Variants in KCNK10 observed in about 807,000 individuals in gnomAD.
KCNK10 encodes the protein potassium two pore domain channel subfamily K member 10.
KCNK10 carries 25 observed loss-of-function variants against 47.7 expected under a neutral mutation model. The ratio of observed to expected loss-of-function variants is 0.52; its 90% confidence interval spans 0.38 to 0.73. KCNK10 has a LOEUF of 0.73. Ranked by LOEUF, KCNK10 falls within the 30% of genes least tolerant of loss-of-function variation. KCNK10 has a pLI of 0.00. For missense variants in KCNK10, 563 were observed against 714.5 expected (o/e 0.79, Z 2.42); for synonymous variants, 303 against 285.6 (o/e 1.06, Z -0.61).
chr14:88,263,490 CG>C lies in KCNK10; in HGVS notation c.113del (p.Pro38ArgfsTer20), dbSNP rs1566707481. 2 of 1,613,702 alleles carry C rather than the reference CG, an allele frequency of 1.2e-6. No individual in the cohort carries two copies. Among genetic ancestry groups the C allele is most frequent in the Admixed American group, 1.7e-5 (1 of 60,026 alleles). On this transcript the variant is annotated frameshift_variant, in exon 2 of 7. Transcript: ENST00000319231. LOFTEE classifies it high-confidence loss of function. ...GCGGAGTTGGAGTCGGAGCCGGAGCCGGGGGTTGCCCGTTAGTGGCGCTCTT... is the reference window on the plus strand; with the variant it reads ...GCGGAGTTGGAGTCGGAGCCGGAGCCGGGGTTGCCCGTTAGTGGCGCTCTT... ...QPKSATNGQP[P>X]APAPTPTPRL...
rs951921734 is a variant in KCNK10 at position 88,182,936 on chromosome 14, G to T, written c.*2599C>A. On this transcript the variant is annotated 3_prime_UTR_variant, in exon 7 of 7. Transcript: ENST00000319231. ...AAATGTACAGTAGGTGTCTGCAGGGGCAACCCTTTGAGCCATGTTTACACA... is the reference window on the plus strand; with the variant it reads ...AAATGTACAGTAGGTGTCTGCAGGGTCAACCCTTTGAGCCATGTTTACACA... 1.3e-5 allele frequency: 2 copies of T among 152,216 alleles called. No individual in the cohort carries two copies. The highest frequency in any genetic ancestry group is 6.5e-5 in the Admixed American group (1 of 15,270). 9.4% of individuals were successfully genotyped at this position (152,216 alleles called of 1,614,324 possible). A position where few individuals can be genotyped will look rare whatever the true frequency, so the allele number is the denominator to read the frequency against.
At position 88,263,295 on chromosome 14, in the gene KCNK10, C is replaced by T; in HGVS notation, c.309G>A (p.Glu103=). The part of the protein sequence containing the change: ...LVFRALEQPF[E]SSQKNTIALE... ...AGGCGATGGTATTCTTCTGGCTGCTCTCAAAGGGCTGCTCCAATGCCCGGA... is the reference window on the plus strand; with the variant it reads ...AGGCGATGGTATTCTTCTGGCTGCTTTCAAAGGGCTGCTCCAATGCCCGGA... Residue 103 remains glutamate (E), a synonymous_variant, in exon 2 of 7, where the codon GAG becomes GAA. Transcript: ENST00000319231. 1.2e-6 allele frequency: 2 copies of T among 1,614,128 alleles called. No individual in the cohort carries two copies. Among genetic ancestry groups the T allele is most frequent in the Non-Finnish European group, 1.7e-6 (2 of 1,180,052 alleles).
chr14:88,188,174 T>C, intron 5 of KCNK10, 65 bp from the exon 6 acceptor site: 1 of 1,543,996 alleles, frequency 6.5e-7, no homozygotes, highest in Non-Finnish European at 8.9e-7. Flanking sequence ...GAACACATAT[T>C]CCATTCCATG....
chr14:88,296,711 T>C (rs1358489620), intron 1 of KCNK10, among the ~76,000 whole-genome samples: 1 of 152,216 alleles, frequency 6.6e-6, no homozygotes, highest in Non-Finnish European at 1.5e-5. Flanking sequence ...GGCTCTGCAT[T>C]CACCTTCTGA....
chr14:88,265,202 G>C (rs1040725368), intron 1 of KCNK10, among the ~76,000 whole-genome samples: 3 of 152,220 alleles, frequency 2.0e-5, no homozygotes, highest in African/African-American at 7.2e-5. Context: ...TAATCCCCAA[G>C]ACATATATGA....
intron 3 of KCNK10, among the ~76,000 whole-genome samples, chr14:88,233,925 A>C (rs1379716600): frequency 6.6e-6 from 1 of 152,238 alleles, no homozygotes; most frequent in African/African-American, 2.4e-5. Context: ...TCATGAATCC[A>C]ATACCGGGTA....
At chr14:88,202,390 C>A (rs916002229) in intron 4 of KCNK10, among the ~76,000 whole-genome samples, 2 of 152,314 alleles carry the variant, frequency 1.3e-5, no homozygotes, top group East Asian at 1.9e-4. Flanking sequence ...GAGACCTCCT[C>A]CCAGTACAGA....
At chr14:88,247,799 A>T (rs140965270) in intron 2 of KCNK10, among the ~76,000 whole-genome samples, 106 of 152,328 alleles carry the variant, frequency 7.0e-4, no homozygotes, top group African/African-American at 2.5e-3. Context: ...CTAACGACTA[A>T]TCTATCTAAA....
At chr14:88,257,178 C>A (rs1342266263) in intron 2 of KCNK10, among the ~76,000 whole-genome samples, 1 of 152,174 alleles carries the variant, frequency 6.6e-6, no homozygotes, top group Non-Finnish European at 1.5e-5. Context: ...TCTAACTGGT[C>A]TTCCTTCTTC....
intron 1 of KCNK10, among the ~76,000 whole-genome samples, chr14:88,291,403 A>G (rs918120058): frequency 3.3e-5 from 5 of 152,250 alleles, no homozygotes; most frequent in Admixed American, 6.5e-5. Context: ...GGATCCATCA[A>G]TGCAGAGCTT....
At chr14:88,289,374 T>A (rs1887830902) in intron 1 of KCNK10, among the ~76,000 whole-genome samples, 1 of 152,206 alleles carries the variant, frequency 6.6e-6, no homozygotes, top group African/African-American at 2.4e-5. Flanking sequence ...GTGTAAGTGA[T>A]CTTGGGGAGA....
At chr14:88,272,982 G>C (rs1224315052) in intron 1 of KCNK10, among the ~76,000 whole-genome samples, 1 of 152,188 alleles carries the variant, frequency 6.6e-6, no homozygotes, top group African/African-American at 2.4e-5. Flanking sequence ...AGTTAGGTGT[G>C]CAGCTCCTGT....
chr14:88,242,460 T>A (rs925863764), intron 2 of KCNK10, among the ~76,000 whole-genome samples: 2 of 152,210 alleles, frequency 1.3e-5, no homozygotes, highest in African/African-American at 4.8e-5. Context: ...GGCAGACTCA[T>A]AGACAATTGA....
At position 88,181,576 on chromosome 14, in the gene KCNK10, T is replaced by A. The variant is rs922818169; in HGVS notation, c.*3959A>T. On this transcript the variant is annotated 3_prime_UTR_variant, in exon 7 of 7. Coordinates refer to ENST00000319231, the MANE Select transcript of KCNK10 (RefSeq NM_138317.3). ...CCATGCAAAAAATGCCCTCACAGCA[T>A]GAGCCCTCCCGGTGACAGTACACTA... is the stretch of plus-strand genomic sequence containing the variant. 2 of 152,250 alleles carry A rather than the reference T, an allele frequency of 1.3e-5. No individual in the cohort carries two copies. The highest frequency in any genetic ancestry group is 2.9e-5 in the Non-Finnish European group (2 of 68,034). The allele number at this position is 152,250 out of a possible 1,614,324, so 9.4% of individuals were successfully genotyped here.
Position 88,263,485 on chromosome 14 carries a change from G to A in KCNK10, c.119C>T (p.Pro40Leu), listed in dbSNP as rs371732557. 1.0e-4 allele frequency: 164 copies of A among 1,613,736 alleles called. 1 individual carries two copies. Among genetic ancestry groups the A allele is most frequent in the South Asian group, 6.8e-4 (62 of 91,094 alleles). Residue 40 changes from proline to leucine, a missense_variant, in exon 2 of 7, where the codon CCG becomes CTG. Physicochemically the swap from Pro to Leu is moderately conservative, Grantham distance 98. Coordinates refer to ENST00000319231, the MANE Select transcript of KCNK10 (RefSeq NM_138317.3). ...KSATNGQPPAPAPTPTPRLSI... is the reference protein window; with the variant it reads ...KSATNGQPPALAPTPTPRLSI... ...CAGGCGCGGAGTTGGAGTCGGAGCC[G>A]GAGCCGGGGGTTGCCCGTTAGTGGC... is the stretch of plus-strand genomic sequence containing the variant.
chr14:88,227,276 T>TA, intron 4 of KCNK10, 99 bp downstream of exon 4: 2 of 984,212 alleles, frequency 2.0e-6, no homozygotes, highest in Non-Finnish European at 3.0e-6. Flanking sequence ...ATTATTCCAT[T>TA]AAAAGCAGAC....
chr14:88,311,536 A>G (rs1426802452), intron 1 of KCNK10, among the ~76,000 whole-genome samples: 1 of 152,160 alleles, frequency 6.6e-6, no homozygotes, highest in Non-Finnish European at 1.5e-5. Flanking sequence ...ATCTAAAAAA[A>G]TCTCATGGTC....
intron 4 of KCNK10, among the ~76,000 whole-genome samples, chr14:88,203,903 A>T (rs1276015758): frequency 3.9e-5 from 6 of 152,166 alleles, no homozygotes; most frequent in Non-Finnish European, 7.4e-5. Context: ...GGAAACTTGG[A>T]CAGGGTAGGT....
At position 88,227,425 on chromosome 14, in the gene KCNK10, G is replaced by T; in HGVS notation, c.631C>A (p.Leu211Ile). Reference protein sequence around the residue: ...GFLLAGIGDQLGTIFGKSIAR... With the variant: ...GFLLAGIGDQIGTIFGKSIAR... Reference sequence around the variant, plus strand: ...ATGCTTTTCCCAAAGATGGTTCCAAGTTGGTCTCCAATTCCAGCCAATAAG... The same window carrying T: ...ATGCTTTTCCCAAAGATGGTTCCAATTTGGTCTCCAATTCCAGCCAATAAG... The change falls in exon 4 of 7, where the codon CTT (leucine) becomes ATT (isoleucine). Residue 211 changes from leucine (L) to isoleucine (I), a missense_variant. Coordinates refer to ENST00000319231, the MANE Select transcript of KCNK10 (RefSeq NM_138317.3). 6.2e-7 allele frequency: 1 copy of T among 1,613,718 alleles called. No individual in the cohort carries two copies. Among genetic ancestry groups the T allele is most frequent in the Non-Finnish European group, 8.5e-7 (1 of 1,179,872 alleles).
Sources: allele counts gnomAD v4.1 joint callset (sites outside exome capture counted in the v4.1 genomes callset), GRCh38; gene constraint gnomAD v4.1.1; transcripts MANE v1.5; gene names NCBI Gene and HGNC (gene_info 2026-07-23, HGNC 2026-07-21).